MFSD11: variants seen among roughly 807,000 people sequenced by gnomAD.
The protein encoded by MFSD11 is UNC93-like protein MFSD11.
MFSD11 carries 36 observed loss-of-function variants against 53.5 expected under a neutral mutation model. That is an observed-to-expected ratio of 0.67 (90% CI 0.52 to 0.89). MFSD11 has a LOEUF of 0.89. Among genes scored for constraint, MFSD11 ranks in the 40% least tolerant of loss-of-function variants. The pLI is 0.00. For missense variants in MFSD11, 530 were observed against 543.9 expected (o/e 0.97, Z 0.25); for synonymous variants, 186 against 184.9 (o/e 1.01, Z -0.05).
upstream of MFSD11, chr17:76,737,665 T>C: frequency 5.4e-6 from 1 of 186,712 alleles, no homozygotes; most frequent in Non-Finnish European, 1.1e-5. Flanking sequence ...ATGCCAATAC[T>C]CCAAGTTCAC....
intron 7 of MFSD11, among the ~76,000 whole-genome samples, chr17:76,751,780 A>G (rs1230258682): frequency 6.6e-6 from 1 of 152,200 alleles, no homozygotes. Context: ...AATCTTATTA[A>G]CAATTATGCT....
chr17:76,753,661 C>G (rs1317300248), intron 7 of MFSD11, among the ~76,000 whole-genome samples: 2 of 135,872 alleles, frequency 1.5e-5, no homozygotes, highest in East Asian at 4.3e-4. Context: ...GCACTCCAGC[C>G]TGGGAGGTGG....
At chr17:76,748,227 A>G (rs568475334) in intron 7 of MFSD11, among the ~76,000 whole-genome samples, 1 of 152,084 alleles carries the variant, frequency 6.6e-6, no homozygotes, top group Non-Finnish European at 1.5e-5. Flanking sequence ...AGAAGGAAGA[A>G]GTGGAAGCAG....
At chr17:76,787,680 A>G in the MFSD11 span, among the ~76,000 whole-genome samples, 2 of 149,740 alleles carry the variant, frequency 1.3e-5, no homozygotes, top group Non-Finnish European at 3.0e-5. Context: ...TTGAAAACCA[A>G]AAATAAAACC....
At chr17:76,736,692 G>C, upstream of MFSD11, 2 of 1,289,726 alleles carry the variant, frequency 1.6e-6, no homozygotes, top group Non-Finnish European at 2.0e-6. Flanking sequence ...GTGCACCCCC[G>C]CCCCGTCCGG....
chr17:76,798,641 A>C, the MFSD11 span, among the ~76,000 whole-genome samples: 55 of 152,112 alleles, frequency 3.6e-4, no homozygotes, highest in African/African-American at 8.2e-4. Flanking sequence ...TATATTTCTT[A>C]TTATATCACA....
chr17:76,737,324 TAAC>T (rs2077565787), upstream of MFSD11: 3 of 916,312 alleles, frequency 3.3e-6, no homozygotes, highest in South Asian at 4.0e-5. Flanking sequence ...CGCACCTGAG[TAAC>T]AACTGGGCGG....
chr17:76,788,451 C>T, the MFSD11 span, among the ~76,000 whole-genome samples: 7 of 148,894 alleles, frequency 4.7e-5, no homozygotes, highest in African/African-American at 1.2e-4. Context: ...CTGCAACCAC[C>T]GCCTACCAAG....
intron 8 of MFSD11, among the ~76,000 whole-genome samples, chr17:76,762,801 CG>C (rs1428832456): frequency 4.0e-5 from 6 of 151,862 alleles, no homozygotes; most frequent in African/African-American, 1.5e-4. Flanking sequence ...AATTAAGCAC[CG>C]GCGGGAAATC....
chr17:76,766,412 C>G (rs181744717), intron 8 of MFSD11, among the ~76,000 whole-genome samples: 1 of 132,624 alleles, frequency 7.5e-6, no homozygotes, highest in African/African-American at 2.9e-5. Flanking sequence ...AAGTGAGACT[C>G]TGTCTCAAAA....
At position 76,738,394 on chromosome 17, in the gene MFSD11, A is replaced by G. The variant is rs771968417; in HGVS notation, c.42A>G (p.Leu14=). Residue 14 remains leucine (L), a synonymous_variant, in exon 1 of 13, where the codon TTA becomes TTG. Coordinates refer to ENST00000685175, the MANE Select transcript of MFSD11 (RefSeq NM_001242532.5). ...ESKKLFNIII[L]GVAFMFMFTA... is the part of the protein sequence containing the mutation. Reference sequence around the variant, plus strand: ...AAAAGCTTTTCAACATCATTATTTTAGGAGTTGCCTTTATGTTTATGTTCA... The same window carrying G: ...AAAAGCTTTTCAACATCATTATTTTGGGAGTTGCCTTTATGTTTATGTTCA... 8.7e-6 allele frequency: 14 copies of G among 1,614,048 alleles called. No homozygotes were observed. In the South Asian group the frequency reaches 9.9e-5, roughly 11 times the overall value.
chr17:76,748,386 G>A (rs1343454329), intron 7 of MFSD11, among the ~76,000 whole-genome samples: 2 of 152,148 alleles, frequency 1.3e-5, no homozygotes, highest in African/African-American at 2.4e-5. Context: ...GGTCCAAAGA[G>A]ACAGCTCTGT....
chr17:76,736,918 G>A (rs1000715601), upstream of MFSD11: 2 of 1,612,824 alleles, frequency 1.2e-6, no homozygotes, highest in Non-Finnish European at 8.5e-7. Context: ...GCTCGCGGCC[G>A]TCCAGCACGG....
Position 76,752,736 on chromosome 17 carries a change from T to A in MFSD11, c.642-1311T>A, listed in dbSNP as rs1598580808. On this transcript the variant is annotated intron_variant, in intron 7 of 12. Coordinates refer to ENST00000685175, the MANE Select transcript of MFSD11 (RefSeq NM_001242532.5). ...ACCTGCCTTGTATGGATAAATAAAA[T>A]TGCAGGTTGCGACGAAGACCCACCT... 3.9e-5 allele frequency among the ~76,000 whole-genome samples: 6 copies of A among 152,206 alleles called. No individual in the cohort carries two copies. The South Asian group carries it at 1.2e-3, about 32-fold the overall frequency.
intron 8 of MFSD11, among the ~76,000 whole-genome samples, chr17:76,756,600 C>G (rs1400810334): frequency 1.3e-5 from 2 of 152,068 alleles, no homozygotes; most frequent in African/African-American, 4.8e-5. Context: ...GTGGCTCATG[C>G]CTATAATGCC....
intron 8 of MFSD11, among the ~76,000 whole-genome samples, chr17:76,755,721 T>C (rs1598608326): frequency 7.1e-6 from 1 of 141,028 alleles, no homozygotes; most frequent in African/African-American, 2.5e-5. Context: ...TGTATATATA[T>C]GTGTATATGT....
intron 7 of MFSD11, among the ~76,000 whole-genome samples, chr17:76,747,456 T>G (rs2078656823): frequency 6.6e-6 from 1 of 152,088 alleles, no homozygotes; most frequent in Non-Finnish European, 1.5e-5. Flanking sequence ...CGCCTCAGCC[T>G]CCCGAGTAGC....
At chr17:76,767,492 G>T (rs771108478) in intron 9 of MFSD11, 41 bp downstream of exon 9, 2 of 1,279,334 alleles carry the variant, frequency 1.6e-6, no homozygotes, top group Non-Finnish European at 2.2e-6. Flanking sequence ...GCTGCATAAT[G>T]ACAATAAGGA....
At chr17:76,759,936 TTATAA>T (rs1484760372) in intron 8 of MFSD11, among the ~76,000 whole-genome samples, 8 of 151,538 alleles carry the variant, frequency 5.3e-5, no homozygotes, top group Admixed American at 3.3e-4. Flanking sequence ...TACTGTAGAC[TTATAA>T]TAAAGTCAGC....
Sources: gnomAD v4.1 joint callset for allele counts (sites outside exome capture counted in the v4.1 genomes callset) on GRCh38, gnomAD v4.1.1 for gene constraint, MANE v1.5 for transcripts, NCBI Gene and HGNC (gene_info 2026-07-23, HGNC 2026-07-21) for gene names.